The following GAB1 variants were observed in gnomAD, a reference collection of about 807,000 sequenced individuals.
GAB1 encodes the protein GRB2 associated binding protein 1.
GAB1 carries 19 observed loss-of-function variants against 66.5 expected under a neutral mutation model. That is an observed-to-expected ratio of 0.29 (90% CI 0.20 to 0.42). GAB1 has a LOEUF of 0.42. GAB1 is among the 10% of genes least tolerant of loss of function. The probability of loss-of-function intolerance (pLI) is 1.00; values close to 1 mark genes in which losing one functional copy is unlikely to be tolerated. For synonymous variants in GAB1, 294 were observed against 301.4 expected, an observed-to-expected ratio of 0.98 and a Z score of 0.25; for missense variants, 732 against 858.5, an observed-to-expected ratio of 0.85 and a Z score of 1.84.
intron 1 of GAB1, among the ~76,000 whole-genome samples, chr4:143,341,839 A>G (rs1728833813): frequency 1.3e-5 from 2 of 152,210 alleles, no homozygotes; most frequent in African/African-American, 4.8e-5. Context: ...GACCTGTGCT[A>G]AGCATGAAAC....
chr4:143,369,811 G>A (rs767231047), intron 1 of GAB1, among the ~76,000 whole-genome samples: 3 of 152,238 alleles, frequency 2.0e-5, no homozygotes, highest in South Asian at 2.1e-4. Context: ...AGACTCATAC[G>A]TTGTGACCCG....
At chr4:143,364,201 A>G (rs1729777608) in intron 1 of GAB1, among the ~76,000 whole-genome samples, 1 of 152,058 alleles carries the variant, frequency 6.6e-6, no homozygotes, top group Non-Finnish European at 1.5e-5. Context: ...AAAAAAAAAA[A>G]AAAAAGAATG....
intron 1 of GAB1, among the ~76,000 whole-genome samples, chr4:143,374,399 T>C (rs974236814): frequency 1.3e-5 from 2 of 152,204 alleles, no homozygotes; most frequent in Admixed American, 1.3e-4. Flanking sequence ...TTTTTCTTGC[T>C]TTTCATGTGC....
intron 1 of GAB1, among the ~76,000 whole-genome samples, chr4:143,386,317 G>A (rs904154214): frequency 1.3e-5 from 2 of 152,154 alleles, no homozygotes; most frequent in Non-Finnish European, 1.5e-5. Context: ...TTGGAGAAGA[G>A]AGTAAAGTCT....
At chr4:143,357,983 G>C (rs1181289039) in intron 1 of GAB1, among the ~76,000 whole-genome samples, 2 of 151,982 alleles carry the variant, frequency 1.3e-5, no homozygotes, top group African/African-American at 4.8e-5. Context: ...ATGCAACTAT[G>C]CTGAGAAATG....
chr4:143,338,667 C>A lies in GAB1; in HGVS notation c.72+1407C>A, dbSNP rs1453550991. 3.3e-5 allele frequency among the ~76,000 whole-genome samples: 5 copies of A among 150,142 alleles called. No individual in the cohort carries two copies. In the East Asian group the frequency reaches 9.7e-4, roughly 29 times the overall value. ...GCTAACTTTATTCCAAAAATATGAA[C>A]GAGGCAGTGTTTTTTTTTCCAGCTG... On this transcript the variant is annotated intron_variant, in intron 1 of 9. Coordinates refer to ENST00000262994, the MANE Select transcript of GAB1 (RefSeq NM_002039.4).
chr4:143,349,228 AT>A (rs113813866), intron 1 of GAB1: 228 of 606,252 alleles, frequency 3.8e-4, no homozygotes, highest in Admixed American at 1.9e-3. Context: ...TTTTATTTTG[AT>A]TTTTTTTTCA....
chr4:143,337,301 C>A, intron 1 of GAB1, 41 bp downstream of exon 1: 1 of 1,512,376 alleles, frequency 6.6e-7, no homozygotes, highest in Non-Finnish European at 9.0e-7. Flanking sequence ...GCCTCGGCGT[C>A]CACACCCCTC....
intron 1 of GAB1, among the ~76,000 whole-genome samples, chr4:143,382,895 T>C (rs772782423): frequency 1.1e-4 from 17 of 152,212 alleles, no homozygotes; most frequent in Non-Finnish European, 2.1e-4. Flanking sequence ...CTCTGTTCCC[T>C]AATCGTGAGG....
At position 143,435,923 on chromosome 4, in the gene GAB1, C is replaced by A. The variant is rs74999431; in HGVS notation, c.594-2076C>A. Among the ~76,000 whole-genome samples the A allele has an allele frequency of 7.6e-4, 115 of 152,264 alleles. 1 individual carries two copies. In the East Asian group the frequency reaches 0.02, roughly 27 times the overall value. ...GGGTTTTTATAGCATCCTGGTTATG[C>A]CTTCATATCTTGTTTTATCGCAGTG... On this transcript the variant is annotated intron_variant, in intron 3 of 9. Transcript: ENST00000262994.
At chr4:143,379,078 C>A (rs1328040343) in intron 1 of GAB1, among the ~76,000 whole-genome samples, 4 of 152,118 alleles carry the variant, frequency 2.6e-5, no homozygotes, top group African/African-American at 9.7e-5. Context: ...GACTCAGTGG[C>A]CATTGCAGAC....
chr4:143,436,706 A>G (rs1028923035), intron 3 of GAB1, among the ~76,000 whole-genome samples: 2 of 152,204 alleles, frequency 1.3e-5, no homozygotes, highest in Non-Finnish European at 2.9e-5. Flanking sequence ...CATTTCTTTC[A>G]ATGCAAGCCA....
chr4:143,369,811 GTTGT>G (rs1490634942), intron 1 of GAB1, among the ~76,000 whole-genome samples: 1 of 152,238 alleles, frequency 6.6e-6, no homozygotes. Context: ...AGACTCATAC[GTTGT>G]GACCCGTGCC....
At chr4:143,463,147 T>C (rs1262390815) in intron 8 of GAB1, among the ~76,000 whole-genome samples, 1 of 152,168 alleles carries the variant, frequency 6.6e-6, no homozygotes, top group Non-Finnish European at 1.5e-5. Flanking sequence ...ATATGAGAAT[T>C]ATAGCAATAT....
Position 143,459,396 on chromosome 4 carries a change from C to T in GAB1, c.1597C>T (p.Pro533Ser), listed in dbSNP as rs1242105983. ...LKPDRKVKPA[P>S]LEIKPLPEWE... ...CTTTTTCTTTTCAGTCAAGCCAGCG[C>T]CTTTAGAAATAAAACCTTTGCCAGA... The change falls in exon 7 of 10, where the codon CCT (proline) becomes TCT (serine). Residue 533 changes from proline (P) to serine (S), a missense_variant. Around this residue, in one of 4 missense-constraint regions of GAB1, gnomAD observed 204 missense variants for 276.8 expected, o/e 0.74. Coordinates refer to ENST00000262994, the MANE Select transcript of GAB1 (RefSeq NM_002039.4). 1 of 1,603,598 alleles carries T rather than the reference C, an allele frequency of 6.2e-7. No homozygotes were observed. Among genetic ancestry groups the T allele is most frequent in the Admixed American group, 1.7e-5 (1 of 60,002 alleles).
At chr4:143,443,043 G>A (rs1734324049) in intron 6 of GAB1, among the ~76,000 whole-genome samples, 2 of 139,568 alleles carry the variant, frequency 1.4e-5, no homozygotes, top group South Asian at 4.5e-4. Context: ...TTGAGACAGA[G>A]TCTCGCTCTG....
intron 1 of GAB1, among the ~76,000 whole-genome samples, chr4:143,378,277 A>G (rs1381353989): frequency 6.6e-6 from 1 of 152,224 alleles, no homozygotes; most frequent in Admixed American, 6.5e-5. Flanking sequence ...TAGCAGATGT[A>G]TAGCAGTTTG....
chr4:143,349,944 C>T lies in GAB1; in HGVS notation c.72+12684C>T, dbSNP rs1729130962. The T allele has an allele frequency of 3.1e-6, 5 of 1,595,154 alleles. No homozygotes were observed. In the South Asian group the frequency reaches 3.3e-5, roughly 11 times the overall value. On this transcript the variant is annotated intron_variant, in intron 1 of 9. Coordinates refer to ENST00000262994, the MANE Select transcript of GAB1 (RefSeq NM_002039.4). The stretch of plus-strand genomic sequence containing the variant: ...CCTCCAGGGACTTGATCTTCATGTC[C>T]TTGACCAAGCGGCCCAACTTGGTGA...
chr4:143,337,969 C>A (rs1402334982), intron 1 of GAB1, among the ~76,000 whole-genome samples: 1 of 152,152 alleles, frequency 6.6e-6, no homozygotes, highest in Admixed American at 6.5e-5. Flanking sequence ...GTTTGGGCGC[C>A]TTGGATGTGC....
Sources: gnomAD v4.1 joint callset for allele counts (sites outside exome capture counted in the v4.1 genomes callset) on GRCh38, gnomAD v4.1.1 for gene constraint, gnomAD v4.1.1 regional missense constraint, MANE v1.5 for transcripts, NCBI Gene and HGNC (gene_info 2026-07-23, HGNC 2026-07-21) for gene names.